SLC9A7: variants seen among roughly 807,000 people sequenced by gnomAD.
SLC9A7 encodes solute carrier family 9 member A7.
Under a neutral mutation model 52.6 loss-of-function variants are expected in SLC9A7, and 19 were observed. The observed-to-expected ratio is 0.36, with a 90% CI of 0.25 to 0.53. The LOEUF is 0.53. SLC9A7 is among the 20% of genes least tolerant of loss of function. The probability of loss-of-function intolerance (pLI) is 0.91; values close to 1 mark genes in which losing one functional copy is unlikely to be tolerated. For missense variants in SLC9A7, 455 were observed against 597.9 expected (o/e 0.76, Z 2.49); for synonymous variants, 226 against 252.1 (o/e 0.90, Z 0.98).
intron 1 of SLC9A7, among the ~76,000 whole-genome samples, chrX:46,723,525 G>C (rs1218427942): frequency 2.7e-5 from 3 of 110,302 alleles, no homozygotes; most frequent in African/African-American, 9.9e-5. Context: ...CCCTGTCAAG[G>C]ATGCCAAGAG....
At chrX:46,646,344 G>T (rs1288370921) in intron 11 of SLC9A7, among the ~76,000 whole-genome samples, 1 of 111,830 alleles carries the variant, frequency 8.9e-6, no homozygotes, top group Admixed American at 9.5e-5. Context: ...TTGGATAAGG[G>T]GAGTTTTCCC....
intron 14 of SLC9A7, 99 bp downstream of exon 14, chrX:46,631,487 C>T: frequency 1.5e-6 from 1 of 647,756 alleles, no homozygotes; most frequent in Non-Finnish European, 2.5e-6. Context: ...CTTCATAAGG[C>T]TGTTGTCAGG....
chrX:46,679,994 T>G (rs1279520388), intron 2 of SLC9A7, among the ~76,000 whole-genome samples: 1 of 111,903 alleles, frequency 8.9e-6, no homozygotes, highest in African/African-American at 3.2e-5. Flanking sequence ...TAAAACATAA[T>G]AAGACACAAC....
chrX:46,728,006 TGAGA>T (rs1420830987), intron 1 of SLC9A7, among the ~76,000 whole-genome samples: 1 of 112,011 alleles, frequency 8.9e-6, no homozygotes, highest in African/African-American at 3.2e-5. Context: ...ATTAATCTCT[TGAGA>T]GATATATTGA....
At chrX:46,683,176 G>A (rs1034712961) in intron 1 of SLC9A7, among the ~76,000 whole-genome samples, 16 of 108,121 alleles carry the variant, frequency 1.5e-4, no homozygotes, top group Non-Finnish European at 2.5e-4. Context: ...GAGGAAGATG[G>A]GATGACAAGC....
At chrX:46,611,835 C>T (rs1942855627) in intron 16 of SLC9A7, among the ~76,000 whole-genome samples, 1 of 111,604 alleles carries the variant, frequency 9.0e-6, no homozygotes, top group Non-Finnish European at 1.9e-5. Context: ...CCAATCTCGG[C>T]TGCTCTGATG....
chrX:46,715,406 G>T (rs1183518379), intron 1 of SLC9A7, among the ~76,000 whole-genome samples: 1 of 111,367 alleles, frequency 9.0e-6, no homozygotes, highest in Admixed American at 9.5e-5. Context: ...CCCTATAACT[G>T]AACAGCTTTT....
At chrX:46,755,823 G>GA (rs10718607) in intron 1 of SLC9A7, among the ~76,000 whole-genome samples, 186 of 73,868 alleles carry the variant, frequency 2.5e-3, no homozygotes, top group African/African-American at 6.4e-3. Flanking sequence ...CTCCGTCTTG[G>GA]AAAAAAAAAA....
rs749418390 is a variant in SLC9A7, at chrX:46,725,707, A to G, written c.325+32998T>C. ...TTATACTTCACTAGCTCAGCATCCA[A>G]TCGAGAAATCTTCTTGTCAATGGAT... is the stretch of plus-strand genomic sequence containing the variant. On this transcript the variant is annotated intron_variant, in intron 1 of 16. Coordinates refer to ENST00000616978, the MANE Select transcript of SLC9A7 (RefSeq NM_001257291.2). 593 of 1,187,238 alleles carry G rather than the reference A, an allele frequency of 5.0e-4. 3 individuals carry two copies. In the African/African-American group the frequency reaches 8.8e-3, roughly 18 times the overall value.
chrX:46,633,423 T>C (rs1424127337), intron 13 of SLC9A7, among the ~76,000 whole-genome samples: 1 of 99,335 alleles, frequency 1.0e-5, no homozygotes, highest in African/African-American at 3.8e-5. Flanking sequence ...TTGCACTTTT[T>C]TTCCCCTATT....
chrX:46,653,040 C>G (rs941607662), intron 8 of SLC9A7, among the ~76,000 whole-genome samples: 12 of 112,330 alleles, frequency 1.1e-4, no homozygotes, highest in Middle Eastern at 4.6e-3. Context: ...CATCTACTTA[C>G]AGTTAGAATG....
rs1309192907 is a variant in SLC9A7, at chrX:46,662,510, CT to C, written c.899+27del. 2.7e-6 allele frequency: 3 copies of C among 1,114,317 alleles called. No individual in the cohort carries two copies. In the East Asian group the frequency reaches 9.0e-5, roughly 34 times the overall value. 91.8% of individuals were successfully genotyped at this position (1,114,317 alleles called of 1,213,427 possible). ...AAGCATAGAGGAAACTGGGGTGTCT[CT>C]TCTCCAGCAGAAACACTGCTACTTA... On this transcript the variant is annotated intron_variant, in intron 6 of 16. Coordinates refer to ENST00000616978, the MANE Select transcript of SLC9A7 (RefSeq NM_001257291.2).
At chrX:46,715,409 C>G (rs1392690923) in intron 1 of SLC9A7, among the ~76,000 whole-genome samples, 2 of 111,569 alleles carry the variant, frequency 1.8e-5, no homozygotes, top group African/African-American at 6.5e-5. Context: ...TATAACTGAA[C>G]AGCTTTTTCT....
rs748293292 is a variant in SLC9A7 at position 46,649,346 on chromosome X, G to A, written c.1351-549C>T. On this transcript the variant is annotated intron_variant, in intron 10 of 16. Transcript: ENST00000616978. The stretch of plus-strand genomic sequence containing the variant: ...CAGGAAGAGCCTGCAAATAAGAGGT[G>A]GGGAAACTTAAAATATTCACCACAC... 3.6e-5 allele frequency among the ~76,000 whole-genome samples: 4 copies of A among 112,231 alleles called. No homozygotes were observed. The South Asian group carries it at 1.1e-3, about 31-fold the overall frequency.
intron 4 of SLC9A7, 37 bp downstream of exon 4, chrX:46,672,514 G>A (rs1006460153): frequency 1.3e-5 from 14 of 1,051,562 alleles, no homozygotes; most frequent in South Asian, 1.9e-5. Flanking sequence ...CCTATGGAAC[G>A]TGTGTTAATT....
chrX:46,662,257 A>G lies in SLC9A7; in HGVS notation c.900-100T>C, dbSNP rs756091141. The G allele has an allele frequency of 4.9e-5, 40 of 821,197 alleles. No individual in the cohort carries two copies. The African/African-American group carries it at 6.9e-4, about 14-fold the overall frequency. 67.7% of individuals were successfully genotyped at this position (821,197 alleles called of 1,213,427 possible). On this transcript the variant is annotated intron_variant, in intron 6 of 16. Coordinates refer to ENST00000616978, the MANE Select transcript of SLC9A7 (RefSeq NM_001257291.2). ...AACATAGGTCTATCTACATTTTGTCAAGCATTGGCCAGGGTAAATTCATTT... is the reference window on the plus strand; with the variant it reads ...AACATAGGTCTATCTACATTTTGTCGAGCATTGGCCAGGGTAAATTCATTT...
At position 46,725,144 on chromosome X, in the gene SLC9A7, T is replaced by C. The variant is rs913910795; in HGVS notation, c.325+33561A>G. On this transcript the variant is annotated intron_variant, in intron 1 of 16. Transcript: ENST00000616978. Reference sequence around the variant, plus strand: ...TATGTGTTTGTTTTACAAGATATACTTGAATGATGCCAATCTATGAAGTAG... The same window carrying C: ...TATGTGTTTGTTTTACAAGATATACCTGAATGATGCCAATCTATGAAGTAG... 23 of 677,040 alleles carry C rather than the reference T, an allele frequency of 3.4e-5. No individual in the cohort carries two copies. In the African/African-American group the frequency reaches 4.7e-4, roughly 14 times the overall value. 55.8% of individuals were successfully genotyped at this position (677,040 alleles called of 1,213,427 possible).
rs139044048 is a variant in SLC9A7 at position 46,630,213 on chromosome X, C to T, written c.1740+1373G>A. ...GGCCACAGTGGCACCCCATTGACCC[C>T]ACACAGCACCACATTTTGCCAGCCT... On this transcript the variant is annotated intron_variant, in intron 14 of 16. Coordinates refer to ENST00000616978, the MANE Select transcript of SLC9A7 (RefSeq NM_001257291.2). Among the ~76,000 whole-genome samples the T allele has an allele frequency of 9.0e-3, 1,002 of 111,692 alleles. 46 individuals are homozygous for T. Among genetic ancestry groups the T allele is most frequent in the Admixed American group, 0.078 (824 of 10,541 alleles).
intron 1 of SLC9A7, among the ~76,000 whole-genome samples, chrX:46,706,365 G>A (rs758155383): frequency 9.3e-6 from 1 of 107,566 alleles, no homozygotes; most frequent in Admixed American, 9.9e-5. Context: ...TAATAAGACG[G>A]ATCATGAGCT....
Sources: gnomAD v4.1 joint callset for allele counts (sites outside exome capture counted in the v4.1 genomes callset) on GRCh38, gnomAD v4.1.1 for gene constraint, MANE v1.5 for transcripts, NCBI Gene and HGNC (gene_info 2026-07-23, HGNC 2026-07-21) for gene names.